Variants in HENMT1 observed in about 807,000 individuals in gnomAD.
HENMT1 encodes small RNA 2'-O-methyltransferase.
HENMT1 carries 27 observed loss-of-function variants against 31.1 expected under a neutral mutation model. The ratio of observed to expected loss-of-function variants is 0.87; its 90% CI spans 0.64 to 1.20. The LOEUF is 1.20. Among genes scored for constraint, HENMT1 ranks in the 50% most tolerant of loss-of-function variants. HENMT1 has a pLI of 0.00. For missense variants in HENMT1, 438 were observed against 469.6 expected (o/e 0.93, Z 0.62); for synonymous variants, 167 against 172.2 (o/e 0.97, Z 0.24).
chr1:108,649,825 GT>G (rs944067562), intron 7 of HENMT1, among the ~76,000 whole-genome samples: 7 of 152,052 alleles, frequency 4.6e-5, no homozygotes, highest in Admixed American at 2.6e-4. Flanking sequence ...TATTCTGGGT[GT>G]TTTTTTGTAG....
At position 108,654,752 on chromosome 1, in the gene HENMT1, C is replaced by G. The variant is rs539258018; in HGVS notation, c.362G>C (p.Arg121Pro). The change falls in exon 5 of 8, where the codon CGT (arginine) becomes CCT (proline). Residue 121 changes from arginine (R) to proline (P), a missense_variant. By Grantham distance (103) the Arg-to-Pro change is moderately radical (BLOSUM62 -2). Coordinates refer to ENST00000651461, the MANE Select transcript of HENMT1 (RefSeq NM_001102592.2). ...CGTTATCAAGTCAAATCCAAGCAAA[C>G]GAGAGTCTCTCTCCACAACGGAGCC... ...YHGSVVERDS[R>P]LLGFDLITCI... 1 of 1,613,998 alleles carries G rather than the reference C, an allele frequency of 6.2e-7. No individual in the cohort carries two copies. The highest frequency in any genetic ancestry group is 8.5e-7 in the Non-Finnish European group (1 of 1,179,950).
intron 6 of HENMT1, 79 bp downstream of exon 6, chr1:108,650,951 G>GT (rs1658035092): frequency 2.1e-6 from 2 of 933,850 alleles, no homozygotes; most frequent in Non-Finnish European, 3.3e-6. Flanking sequence ...TTTAGGTAAT[G>GT]TATGTATATC....
chr1:108,649,016 A>C (rs1349959582), intron 7 of HENMT1, 25 bp from the exon 8 acceptor site: 1 of 1,525,242 alleles, frequency 6.6e-7, no homozygotes, highest in South Asian at 1.3e-5. Context: ...CAAAACACTT[A>C]CAAGTGTATA....
chr1:108,649,266 C>T, intron 7 of HENMT1: 1 of 561,032 alleles, frequency 1.8e-6, no homozygotes. Context: ...CTTGATATTA[C>T]AGGGGCAAGG....
chr1:108,660,317 A>C (rs1658411685), intron 1 of HENMT1, among the ~76,000 whole-genome samples: 1 of 152,180 alleles, frequency 6.6e-6, no homozygotes, highest in Non-Finnish European at 1.5e-5. Flanking sequence ...AACCCTACTA[A>C]GAGCGAAAAC....
Position 108,658,624 on chromosome 1 carries a change from T to G in HENMT1, c.22-1045A>C, listed in dbSNP as rs1298912777. Among the ~76,000 whole-genome samples, 3 of 152,316 alleles carry G rather than the reference T, an allele frequency of 2.0e-5. No individual in the cohort carries two copies. In the East Asian group the frequency reaches 5.8e-4, roughly 29 times the overall value. ...GGTTCCTCTGAGCCATCTTCTTGAA[T>G]AGACCTCAAACCCTGGCCCCAATCC... On this transcript the variant is annotated intron_variant, in intron 2 of 7. Transcript: ENST00000651461.
At chr1:108,649,131 C>T (rs1028657353) in intron 7 of HENMT1, 140 bp from the exon 8 acceptor site, 2 of 674,002 alleles carry the variant, frequency 3.0e-6, no homozygotes, top group Non-Finnish European at 5.0e-6. Flanking sequence ...ATCGTAAATG[C>T]CTCAGTTATA....
rs964505216 is a variant in HENMT1 at position 108,657,379 on chromosome 1, A to T, written c.150+72T>A. 6 of 1,126,784 alleles carry T rather than the reference A, an allele frequency of 5.3e-6. No individual in the cohort carries two copies. In the African/African-American group the frequency reaches 7.8e-5, roughly 15 times the overall value. The allele number at this position is 1,126,784 out of a possible 1,614,324, so 69.8% of individuals were successfully genotyped here. A position where few individuals can be genotyped will look rare whatever the true frequency, so the allele number is the denominator to read the frequency against. ...GTGAAAAGTCTCTCCATACTAATCCATTTGACAAAACACCTCATATGACTA... is the reference window on the plus strand; with the variant it reads ...GTGAAAAGTCTCTCCATACTAATCCTTTTGACAAAACACCTCATATGACTA... On this transcript the variant is annotated intron_variant, in intron 3 of 7. Coordinates refer to ENST00000651461, the MANE Select transcript of HENMT1 (RefSeq NM_001102592.2).
intron 3 of HENMT1, among the ~76,000 whole-genome samples, chr1:108,656,249 C>T (rs925900888): frequency 2.6e-5 from 4 of 152,158 alleles, no homozygotes; most frequent in South Asian, 2.1e-4. Flanking sequence ...CTAATACCTA[C>T]GCCTTTGTGT....
At chr1:108,655,929 A>G (rs1658226507) in intron 3 of HENMT1, among the ~76,000 whole-genome samples, 2 of 151,728 alleles carry the variant, frequency 1.3e-5, no homozygotes, top group African/African-American at 4.8e-5. Flanking sequence ...GCAAATTTCT[A>G]TTTGATCACA....
rs1644720080 is a variant in HENMT1, at chr1:108,648,960, T to G, written c.788A>C (p.Gln263Pro). Residue 263 changes from glutamine (Q) to proline (P), a missense_variant, in exon 8 of 8, where the codon CAG becomes CCG. By Grantham distance (76) the Gln-to-Pro change is moderately conservative. Transcript: ENST00000651461. ...CAACACAAGTTTAAAGAACCTTTCC[T>G]GCTGTAAGCTTGGGTATGAGGTGGT... ...VFTTSYPSLQ[Q>P]ERFFKLVLVN... The G allele has an allele frequency of 6.2e-7, 1 of 1,608,980 alleles. No homozygotes were observed. The highest frequency in any genetic ancestry group is 8.5e-7 in the Non-Finnish European group (1 of 1,176,288).
chr1:108,660,042 C>G, intron 1 of HENMT1, 80 bp from the exon 2 acceptor site: 2 of 689,880 alleles, frequency 2.9e-6, no homozygotes, highest in Non-Finnish European at 4.5e-6. Context: ...AGAACGAAAG[C>G]CTCTTTCTTA....
At chr1:108,654,466 A>C (rs542377280) in intron 5 of HENMT1, among the ~76,000 whole-genome samples, 1 of 152,326 alleles carries the variant, frequency 6.6e-6, no homozygotes, top group South Asian at 2.1e-4. Context: ...ATGATTTAAA[A>C]AGTGAGATGT....
intron 5 of HENMT1, 31 bp from the exon 6 acceptor site, chr1:108,651,240 A>C: frequency 1.3e-6 from 2 of 1,564,220 alleles, no homozygotes; most frequent in Non-Finnish European, 1.7e-6. Flanking sequence ...GACATAATAA[A>C]ATCTAGCTTC....
chr1:108,649,420 G>C (rs1226738338), intron 7 of HENMT1: 5 of 455,852 alleles, frequency 1.1e-5, no homozygotes, highest in Non-Finnish European at 2.2e-5. Flanking sequence ...GGGCAACATA[G>C]TGAGACCCTG....
rs757884856 is a variant in HENMT1 at position 108,648,837 on chromosome 1, A to G, written c.911T>C (p.Ile304Thr). 30 of 1,614,148 alleles carry G rather than the reference A, an allele frequency of 1.9e-5. No homozygotes were observed. The highest frequency in any genetic ancestry group is 7.7e-5 in the South Asian group (7 of 91,084). Residue 304 changes from isoleucine (I) to threonine (T), a missense_variant, in exon 8 of 8, where the codon ATT becomes ACT. Ile to Thr is a moderately conservative substitution (Grantham distance 89). Transcript: ENST00000651461. ...AGERGDKPKD[I>T]GGSKAPVPCF... ...TGGGACAGGGGCCTTTGAGCCACCAATGTCTTTGGGCTTATCACCCCGTTC... is the reference window on the plus strand; with the variant it reads ...TGGGACAGGGGCCTTTGAGCCACCAGTGTCTTTGGGCTTATCACCCCGTTC...
In HENMT1 at chr1:108,661,089, C is replaced by T; in HGVS notation, c.-205G>A. ...CGTCCTCAACTCAGCGCCGCCCTGA[C>T]GCCCGCGCACGCACGGCCTCGCTGC... On this transcript the variant is annotated 5_prime_UTR_variant, in exon 1 of 8. Coordinates refer to ENST00000651461, the MANE Select transcript of HENMT1 (RefSeq NM_001102592.2). 1 of 720,544 alleles carries T rather than the reference C, an allele frequency of 1.4e-6. No individual in the cohort carries two copies. Among genetic ancestry groups the T allele is most frequent in the Non-Finnish European group, 1.7e-6 (1 of 588,264 alleles). 44.6% of individuals were successfully genotyped at this position (720,544 alleles called of 1,614,324 possible).
rs556178977 is a variant in HENMT1 at position 108,660,136 on chromosome 1, AAAC to A, written c.-78-177_-78-175del. ...TCTGAGTACTCAAAAAAAAAAAAAA[AAAC>A]ACGAAAGCAGGACTCGAACAGATAT... On this transcript the variant is annotated intron_variant, in intron 1 of 7. Transcript: ENST00000651461. Among the ~76,000 whole-genome samples the A allele has an allele frequency of 3.7e-3, 559 of 150,854 alleles. 1 individual carries two copies. Among genetic ancestry groups the A allele is most frequent in the Non-Finnish European group, 6.8e-3 (459 of 67,866 alleles).
intron 7 of HENMT1, chr1:108,649,278 C>CA (rs914564565): frequency 2.4e-4 from 120 of 510,556 alleles, no homozygotes; most frequent in East Asian, 3.0e-4. Context: ...GGGGCAAGGG[C>CA]AAAAAAAAAT....
Sources: allele counts gnomAD v4.1 joint callset (sites outside exome capture counted in the v4.1 genomes callset), GRCh38; gene constraint gnomAD v4.1.1; transcripts MANE v1.5; gene names NCBI Gene and HGNC (gene_info 2026-07-23, HGNC 2026-07-21).